SETD2: variants seen among roughly 807,000 people sequenced by gnomAD.
SETD2 encodes the protein histone-lysine N-methyltransferase SETD2.
A neutral mutation model predicts 242.1 loss-of-function variants in SETD2; 31 were observed. The observed-to-expected ratio is 0.13, with a 90% CI of 0.10 to 0.17. SETD2 has a LOEUF of 0.17. Ranked by LOEUF, SETD2 falls within the 10% of genes least tolerant of loss-of-function variation. SETD2 has a pLI of 1.00. For missense variants in SETD2, 2,481 were observed against 3,046.3 expected (o/e 0.81, Z 4.37); for synonymous variants, 1,006 against 1,066.5 (o/e 0.94, Z 1.11).
intron 1 of SETD2, among the ~76,000 whole-genome samples, chr3:47,146,762 T>C (rs1259451201): frequency 6.6e-6 from 1 of 151,652 alleles, no homozygotes; most frequent in Non-Finnish European, 1.5e-5. Flanking sequence ...CATGGAGAGA[T>C]CTTGCCTCTA....
intron 9 of SETD2, among the ~76,000 whole-genome samples, chr3:47,090,421 G>A (rs973617079): frequency 4.0e-5 from 6 of 151,708 alleles, no homozygotes; most frequent in Non-Finnish European, 7.4e-5. Context: ...ATGGAGTTTC[G>A]CTCTGTCGCC....
chr3:47,154,641 T>C (rs894965830), intron 1 of SETD2, among the ~76,000 whole-genome samples: 1 of 152,174 alleles, frequency 6.6e-6, no homozygotes. Context: ...TTTTCTTCTA[T>C]AAACATTTGT....
In SETD2 at chr3:47,122,859, G is replaced by C. The variant is rs2106689242; in HGVS notation, c.1777C>G (p.Pro593Ala). 1 of 1,612,472 alleles carries C rather than the reference G, an allele frequency of 6.2e-7. No homozygotes were observed. The highest frequency in any genetic ancestry group is 8.5e-7 in the Non-Finnish European group (1 of 1,179,214). Reference protein sequence around the residue: ...KQSHSFSLQTPCSKGSELRMI... With the variant: ...KQSHSFSLQTACSKGSELRMI... ...CTTAATTCACTACCTTTTGAACAAG[G>C]TGTCTGTAAACTAAAAGAATGAGAC... is the stretch of plus-strand genomic sequence containing the variant. The change falls in exon 3 of 21, where the codon CCT (proline) becomes GCT (alanine). Residue 593 changes from proline (P) to alanine (A), a missense_variant. By Grantham distance (27) the Pro-to-Ala change is conservative. This residue lies in a region of SETD2 where 1,300 missense variants were observed against 1,259.2 expected (regional missense o/e 1.03). Transcript: ENST00000409792.
intron 1 of SETD2, among the ~76,000 whole-genome samples, chr3:47,127,189 T>C (rs1250835937): frequency 6.6e-6 from 1 of 151,692 alleles, no homozygotes; most frequent in East Asian, 1.9e-4. Context: ...AAACCCTGTC[T>C]CTATAAAAAA....
intron 15 of SETD2, among the ~76,000 whole-genome samples, chr3:47,049,595 ATC>A (rs1209897112): frequency 6.9e-6 from 1 of 145,746 alleles, no homozygotes; most frequent in African/African-American, 2.5e-5. Context: ...GATGGCCTCG[ATC>A]TCCTGACCTT....
At position 47,086,069 on chromosome 3, in the gene SETD2, ATTAT is replaced by A. The variant is rs1229811924; in HGVS notation, c.5397+122_5397+125del. The A allele has an allele frequency of 2.9e-6, 3 of 1,048,610 alleles. No homozygotes were observed. In the African/African-American group the frequency reaches 4.8e-5, roughly 17 times the overall value. The allele number at this position is 1,048,610 out of a possible 1,614,324, so 65.0% of individuals were successfully genotyped here. A position where few individuals can be genotyped will look rare whatever the true frequency, so the allele number is the denominator to read the frequency against. On this transcript the variant is annotated intron_variant, in intron 11 of 20. Transcript: ENST00000409792. ...AAAGGAATGATACTGAGATGAAAAAATTATTTGATTATTTAATACCAATGATACA... is the reference window on the plus strand; with the variant it reads ...AAAGGAATGATACTGAGATGAAAAAATTGATTATTTAATACCAATGATACA...
chr3:47,125,531 C>G lies in SETD2; in HGVS notation c.88-983G>C, dbSNP rs2043298796. 2.0e-5 allele frequency among the ~76,000 whole-genome samples: 3 copies of G among 151,996 alleles called. No homozygotes were observed. In the South Asian group the frequency reaches 6.2e-4, roughly 32 times the overall value. On this transcript the variant is annotated intron_variant, in intron 2 of 20. Coordinates refer to ENST00000409792, the MANE Select transcript of SETD2 (RefSeq NM_014159.7). ...AATCAATGTCCCAGGTTTGGGAAAC[C>G]ACTGATACAGAGGAACTTCCCACCT...
chr3:47,162,993 C>A (rs1012214731), intron 1 of SETD2, among the ~76,000 whole-genome samples: 1 of 152,162 alleles, frequency 6.6e-6, no homozygotes. Flanking sequence ...AATCCTCAAA[C>A]GATTCTTGGT....
At chr3:47,064,358 T>A (rs974364294) in intron 13 of SETD2, among the ~76,000 whole-genome samples, 4 of 152,202 alleles carry the variant, frequency 2.6e-5, no homozygotes, top group Admixed American at 2.0e-4. Flanking sequence ...AAATGCAGTA[T>A]AATTAAATTA....
At chr3:47,069,267 G>C (rs1162706660) in intron 12 of SETD2, among the ~76,000 whole-genome samples, 1 of 152,140 alleles carries the variant, frequency 6.6e-6, no homozygotes, top group Non-Finnish European at 1.5e-5. Flanking sequence ...GATGACACAG[G>C]ACATGCCTAA....
intron 18 of SETD2, among the ~76,000 whole-genome samples, chr3:47,034,625 T>A (rs1410202120): frequency 2.6e-5 from 4 of 152,324 alleles, no homozygotes; most frequent in African/African-American, 7.2e-5. Context: ...CTTGCACCAC[T>A]GTACTCCAGC....
Position 47,071,119 on chromosome 3 carries a change from G to A in SETD2, c.6061-4001C>T, listed in dbSNP as rs1033443853. ...CCAAGTAGCTGGCCTACAGGTGCGT[G>A]CCACTATGCCTGGCAGGTTTGATAT... On this transcript the variant is annotated intron_variant, in intron 12 of 20. Transcript: ENST00000409792. Among the ~76,000 whole-genome samples the A allele has an allele frequency of 5.3e-5, 8 of 152,288 alleles. No homozygotes were observed. In the East Asian group the frequency reaches 5.8e-4, roughly 11 times the overall value.
Position 47,122,836 on chromosome 3 carries a change from T to G in SETD2, c.1800A>C (p.Leu600Phe). Residue 600 changes from leucine to phenylalanine, a missense_variant, in exon 3 of 21, where the codon TTA becomes TTC. Around this residue, in one of 17 missense-constraint regions of SETD2, gnomAD observed 1,300 missense variants for 1,259.2 expected, o/e 1.03. Transcript: ENST00000409792. ...LQTPCSKGSE[L>F]RMINKNPERE... ...TTTCAGGATTTTTATTAATCATTCT[T>G]AATTCACTACCTTTTGAACAAGGTG... 1 of 1,613,528 alleles carries G rather than the reference T, an allele frequency of 6.2e-7. No homozygotes were observed. Among genetic ancestry groups the G allele is most frequent in the South Asian group, 1.1e-5 (1 of 90,990 alleles).
chr3:47,096,702 A>G (rs1226858337), intron 9 of SETD2, among the ~76,000 whole-genome samples: 2 of 151,984 alleles, frequency 1.3e-5, no homozygotes, highest in Admixed American at 6.6e-5. Flanking sequence ...AGCTGTGATC[A>G]CTCTACTGTA....
In SETD2 at chr3:47,124,545, T is replaced by C. The variant is rs919876748; in HGVS notation, c.91A>G (p.Lys31Glu). The change falls in exon 3 of 21, where the codon AAG (lysine) becomes GAG (glutamate). Residue 31 changes from lysine (K) to glutamate (E), a missense_variant. This residue lies in a region of SETD2 where 334 missense variants were observed against 374.5 expected (regional missense o/e 0.89). Coordinates refer to ENST00000409792, the MANE Select transcript of SETD2 (RefSeq NM_014159.7). ...CCTGTTTTCTGCACATTTTCAATCT[T>C]TGCCTACAAATGAACAAAATAAGCA... ...PTPEEEENEA[K>E]IENVQKTGFI... 3.2e-6 allele frequency: 5 copies of C among 1,538,706 alleles called. No homozygotes were observed. In the South Asian group the frequency reaches 3.6e-5, roughly 11 times the overall value.
intron 18 of SETD2, among the ~76,000 whole-genome samples, chr3:47,023,873 T>C (rs1422325534): frequency 6.6e-6 from 1 of 152,178 alleles, no homozygotes; most frequent in Non-Finnish European, 1.5e-5. Context: ...TTGGCATCCA[T>C]GATAGGGTGT....
At chr3:47,142,570 T>C (rs1045446826) in intron 1 of SETD2, among the ~76,000 whole-genome samples, 3 of 151,936 alleles carry the variant, frequency 2.0e-5, no homozygotes, top group Admixed American at 1.3e-4. Flanking sequence ...TGCTCCGGAA[T>C]GTACTGTTAA....
intron 19 of SETD2, 118 bp downstream of exon 19, chr3:47,019,642 C>T (rs2038130560): frequency 1.2e-6 from 1 of 828,606 alleles, no homozygotes; most frequent in Non-Finnish European, 2.0e-6. Context: ...ACACAAGGAA[C>T]ACCTTGTGTT....
intron 14 of SETD2, among the ~76,000 whole-genome samples, chr3:47,060,098 C>A (rs907738711): frequency 4.6e-5 from 7 of 152,114 alleles, no homozygotes; most frequent in Admixed American, 1.3e-4. Context: ...TACAAAAAAA[C>A]CAACAAAAAA....
Sources: gnomAD v4.1 joint callset for allele counts (sites outside exome capture counted in the v4.1 genomes callset) on GRCh38, gnomAD v4.1.1 for gene constraint, gnomAD v4.1.1 regional missense constraint, MANE v1.5 for transcripts, NCBI Gene and HGNC (gene_info 2026-07-23, HGNC 2026-07-21) for gene names.